The following SLC44A3 variants were observed in gnomAD, a reference collection of about 807,000 sequenced individuals.
SLC44A3 encodes the protein choline transporter-like protein 3.
Under a neutral mutation model 75.4 loss-of-function variants are expected in SLC44A3, and 74 were observed. The ratio of observed to expected loss-of-function variants is 0.98; its 90% CI spans 0.81 to 1.19. The LOEUF is 1.19. Among genes scored for constraint, SLC44A3 ranks in the 50% most tolerant of loss-of-function variants. The probability of loss-of-function intolerance (pLI) is 0.00; values close to 1 mark genes in which losing one functional copy is unlikely to be tolerated. For synonymous variants in SLC44A3, 310 were observed against 296.9 expected (o/e 1.04, Z -0.45); for missense variants, 700 against 778.6 (o/e 0.90, Z 1.20).
intron 12 of SLC44A3, among the ~76,000 whole-genome samples, chr1:94,885,736 C>G (rs768786231): frequency 6.6e-6 from 1 of 152,192 alleles, no homozygotes; most frequent in Non-Finnish European, 1.5e-5. Flanking sequence ...CCTTAACTAC[C>G]TCATCGGGTT....
chr1:94,835,630 T>C (rs916751039), intron 5 of SLC44A3, among the ~76,000 whole-genome samples: 1 of 152,248 alleles, frequency 6.6e-6, no homozygotes, highest in Admixed American at 6.5e-5. Context: ...TCAGCATGGA[T>C]GTGGGTTTAA....
chr1:94,848,199 AG>A (rs1664703441), intron 9 of SLC44A3, among the ~76,000 whole-genome samples: 1 of 150,022 alleles, frequency 6.7e-6, no homozygotes, highest in African/African-American at 2.5e-5. Context: ...ACTGCACTCC[AG>A]CATGGGCCAC....
intron 5 of SLC44A3, among the ~76,000 whole-genome samples, chr1:94,836,053 C>T (rs1459052112): frequency 2.0e-5 from 3 of 152,216 alleles, no homozygotes; most frequent in African/African-American, 4.8e-5. Flanking sequence ...GATTCTTCCA[C>T]GTGTTCTATG....
chr1:94,845,584 C>T (rs1161515193), intron 9 of SLC44A3, 120 bp downstream of exon 9: 23 of 910,428 alleles, frequency 2.5e-5, no homozygotes, highest in Middle Eastern at 3.5e-4. Context: ...TGTCTGATGA[C>T]AGCAGCGTTG....
chr1:94,843,983 G>A (rs1173813415), intron 8 of SLC44A3, among the ~76,000 whole-genome samples: 1 of 152,192 alleles, frequency 6.6e-6, no homozygotes, highest in African/African-American at 2.4e-5. Flanking sequence ...TGGAAACAGA[G>A]AGGAAAGGAA....
At chr1:94,835,866 C>A (rs1357316529) in intron 5 of SLC44A3, among the ~76,000 whole-genome samples, 1 of 152,168 alleles carries the variant, frequency 6.6e-6, no homozygotes, top group East Asian at 1.9e-4. Context: ...AGCTCAAGGA[C>A]AAGGAAAGGC....
chr1:94,877,662 C>A (rs2101580303), intron 12 of SLC44A3, among the ~76,000 whole-genome samples: 1 of 152,256 alleles, frequency 6.6e-6, no homozygotes. Context: ...AAACAGCTTT[C>A]TTATCTAGGT....
intron 12 of SLC44A3, among the ~76,000 whole-genome samples, chr1:94,883,951 G>A (rs1669281201): frequency 6.6e-6 from 1 of 152,146 alleles, no homozygotes; most frequent in Non-Finnish European, 1.5e-5. Context: ...GTGCTGGGGT[G>A]AAGGCCAAGC....
chr1:94,861,451 T>A (rs571135234), intron 10 of SLC44A3, among the ~76,000 whole-genome samples: 1 of 152,356 alleles, frequency 6.6e-6, no homozygotes, highest in South Asian at 2.1e-4. Context: ...AGAAAACTGC[T>A]GTTTTTCCTA....
At chr1:94,839,878 C>A in intron 6 of SLC44A3, 70 bp from the exon 7 acceptor site, 1 of 1,088,208 alleles carries the variant, frequency 9.2e-7, no homozygotes, top group Non-Finnish European at 1.4e-6. Flanking sequence ...GTTTTGTCAT[C>A]GCAGTACTAC....
intron 9 of SLC44A3, 121 bp downstream of exon 9, chr1:94,845,585 A>G (rs1571252330): frequency 3.3e-6 from 3 of 902,692 alleles, no homozygotes; most frequent in South Asian, 4.4e-5. Context: ...GTCTGATGAC[A>G]GCAGCGTTGG....
chr1:94,866,362 A>G (rs1317304073), intron 11 of SLC44A3, among the ~76,000 whole-genome samples: 1 of 152,166 alleles, frequency 6.6e-6, no homozygotes, highest in East Asian at 1.9e-4. Context: ...ACTGAGGTCT[A>G]AAAGGTTATT....
intron 9 of SLC44A3, among the ~76,000 whole-genome samples, chr1:94,851,664 A>G (rs1396886921): frequency 6.6e-6 from 1 of 152,232 alleles, no homozygotes; most frequent in Admixed American, 6.5e-5. Context: ...CTGCCTGTCA[A>G]TGAGATTTTC....
Position 94,892,766 on chromosome 1 carries a change from A to G in SLC44A3, c.1857+249A>G, listed in dbSNP as rs17112700. Among the ~76,000 whole-genome samples, 6,355 of 152,294 alleles carry G rather than the reference A, an allele frequency of 0.042. 264 individuals carry two copies. The highest frequency in any genetic ancestry group is 0.1 in the African/African-American group (4,326 of 41,550). On this transcript the variant is annotated intron_variant, in intron 14 of 14. Coordinates refer to ENST00000271227, the MANE Select transcript of SLC44A3 (RefSeq NM_001114106.3). ...AGAATGCTGATCAGATGGATTCCTA[A>G]GTAGCAGCAGCACTTCTTACCCTGG...
intron 5 of SLC44A3, among the ~76,000 whole-genome samples, chr1:94,834,046 T>C (rs1662468601): frequency 6.6e-6 from 1 of 152,224 alleles, no homozygotes; most frequent in Admixed American, 6.5e-5. Context: ...AGCTACTGGT[T>C]AACAATTGTT....
rs1337298194 is a variant in SLC44A3 at position 94,837,714 on chromosome 1, G to A, written c.513G>A (p.Lys171=). Residue 171 remains lysine (K), a synonymous_variant, in exon 6 of 15, where the codon AAG becomes AAA. Coordinates refer to ENST00000271227, the MANE Select transcript of SLC44A3 (RefSeq NM_001114106.3). ...ATCTTTTTTTCTCTATTTTTAGCAAGTCATTTCCCTTATTTAACCGATGTG... is the reference window on the plus strand; with the variant it reads ...ATCTTTTTTTCTCTATTTTTAGCAAATCATTTCCCTTATTTAACCGATGTG... ...LCPRLPVPPS[K]SFPLFNRCVP... The A allele has an allele frequency of 6.4e-7, 1 of 1,565,792 alleles. No individual in the cohort carries two copies.
In SLC44A3 at chr1:94,855,132, C is replaced by G. The variant is rs1379581302; in HGVS notation, c.1073-2203C>G. Reference sequence around the variant, plus strand: ...GACTCATCACTTCAGCTGCTCCCACCGCTGACTGTGCCAGGTTGGGAGGTG... The same window carrying G: ...GACTCATCACTTCAGCTGCTCCCACGGCTGACTGTGCCAGGTTGGGAGGTG... On this transcript the variant is annotated intron_variant, in intron 9 of 14. Transcript: ENST00000271227. The G allele has an allele frequency of 3.9e-5, 6 of 152,258 alleles. No homozygotes were observed. The East Asian group carries it at 1.2e-3, about 29-fold the overall frequency. The allele number at this position is 152,258 out of a possible 1,614,324, so 9.4% of individuals were successfully genotyped here.
intron 11 of SLC44A3, among the ~76,000 whole-genome samples, chr1:94,866,937 T>TTTTTTGTTTTTTG (rs1667228500): frequency 6.6e-6 from 1 of 152,196 alleles, no homozygotes; most frequent in Admixed American, 6.5e-5. Context: ...TATTATTTGT[T>TTTTTTGTTTTTTG]TTTTTTGTTT....
chr1:94,853,136 G>A (rs1665421580), intron 9 of SLC44A3, among the ~76,000 whole-genome samples: 1 of 152,126 alleles, frequency 6.6e-6, no homozygotes, highest in South Asian at 2.1e-4. Context: ...GGGAGATGAG[G>A]GAGAACAAAC....
Sources: gnomAD v4.1 joint callset for allele counts (sites outside exome capture counted in the v4.1 genomes callset) on GRCh38, gnomAD v4.1.1 for gene constraint, MANE v1.5 for transcripts, NCBI Gene and HGNC (gene_info 2026-07-23, HGNC 2026-07-21) for gene names.